Variants in PGPEP1 observed in about 807,000 individuals in gnomAD.
The protein encoded by PGPEP1 is pyroglutamyl-peptidase I, also known as pyroglutamyl-peptidase 1.
Under a neutral mutation model 24.1 loss-of-function variants are expected in PGPEP1, and 15 were observed. The observed-to-expected ratio is 0.62, with a 90% CI of 0.42 to 0.96. The LOEUF (loss-of-function observed/expected upper bound fraction) is 0.96, where lower values mean the gene tolerates loss of function less well. PGPEP1 is among the 40% of genes least tolerant of loss of function. PGPEP1 has a pLI of 0.00. For missense variants in PGPEP1, 242 were observed against 273.4 expected, an observed-to-expected ratio of 0.89 and a Z score of 0.81; for synonymous variants, 122 against 116.4, an observed-to-expected ratio of 1.05 and a Z score of -0.31.
chr19:18,359,035 C>A (rs1481854154), intron 4 of PGPEP1, among the ~76,000 whole-genome samples: 1 of 151,956 alleles, frequency 6.6e-6, no homozygotes, highest in Non-Finnish European at 1.5e-5. Context: ...TGCCTATAAT[C>A]CTAGCACTTC....
rs1971434669 is a variant in PGPEP1, at chr19:18,364,081, TGGC to T, written c.*499_*501del. ...CCACCCTGGGATATGGCTGGCTGGC[TGGC>T]TTTCTTTCTTTCTTTCTTTCTTTCT... On this transcript the variant is annotated 3_prime_UTR_variant, in exon 5 of 5. Transcript: ENST00000269919. The T allele has an allele frequency of 9.0e-6, 1 of 111,550 alleles. No homozygotes were observed. The highest frequency in any genetic ancestry group is 2.9e-5 in the African/African-American group (1 of 34,220). 6.9% of individuals were successfully genotyped at this position (111,550 alleles called of 1,614,324 possible). A position where few individuals can be genotyped will look rare whatever the true frequency, so the allele number is the denominator to read the frequency against.
At chr19:18,363,205 GCCACCACC>G (rs1971398785) in intron 4 of PGPEP1, among the ~76,000 whole-genome samples, 178 bp from the exon 5 acceptor site, 1 of 151,978 alleles carries the variant, frequency 6.6e-6, no homozygotes, top group African/African-American at 2.4e-5. Context: ...ACAGGCACGT[GCCACCACC>G]TCTGGTGATT....
At chr19:18,352,339 G>T (rs1479672138) in intron 2 of PGPEP1, among the ~76,000 whole-genome samples, 1 of 149,716 alleles carries the variant, frequency 6.7e-6, no homozygotes, top group Non-Finnish European at 1.5e-5. Context: ...CAGTACTCGG[G>T]AGGATGAGGC....
chr19:18,358,363 C>T (rs897256049), intron 4 of PGPEP1, among the ~76,000 whole-genome samples: 3 of 143,942 alleles, frequency 2.1e-5, no homozygotes, highest in Admixed American at 7.4e-5. Context: ...TGGGTTCAAG[C>T]GGTTCTCCTG....
intron 4 of PGPEP1, among the ~76,000 whole-genome samples, chr19:18,359,463 G>A (rs571045240): frequency 6.7e-6 from 1 of 150,282 alleles, no homozygotes; most frequent in South Asian, 2.1e-4. Flanking sequence ...AACACCCTAT[G>A]GCCTCTGCCC....
chr19:18,351,803 T>G (rs1971033690), intron 2 of PGPEP1, among the ~76,000 whole-genome samples: 1 of 151,726 alleles, frequency 6.6e-6, no homozygotes, highest in African/African-American at 2.4e-5. Flanking sequence ...ATGGGATTTC[T>G]CAGGTGTGTG....
intron 1 of PGPEP1, among the ~76,000 whole-genome samples, chr19:18,342,638 C>T (rs1970702830): frequency 6.6e-6 from 1 of 152,142 alleles, no homozygotes; most frequent in Non-Finnish European, 1.5e-5. Flanking sequence ...GAGGTGAAGA[C>T]AGGAAGGGAC....
At chr19:18,350,056 C>T (rs751063056) in intron 2 of PGPEP1, among the ~76,000 whole-genome samples, 26 of 151,548 alleles carry the variant, frequency 1.7e-4, no homozygotes, top group Non-Finnish European at 3.1e-4. Context: ...TGAGACACAG[C>T]GAGACTCTAG....
At chr19:18,358,331 G>C (rs1298371340) in intron 4 of PGPEP1, among the ~76,000 whole-genome samples, 1 of 138,442 alleles carries the variant, frequency 7.2e-6, no homozygotes, top group Admixed American at 8.1e-5. Flanking sequence ...CGTGATCTCA[G>C]CTCACTGCAA....
At position 18,361,653 on chromosome 19, in the gene PGPEP1, A is replaced by C. The variant is rs2144579109; in HGVS notation, c.438-1738A>C. 3.6e-6 allele frequency: 3 copies of C among 842,812 alleles called. No individual in the cohort carries two copies. In the South Asian group the frequency reaches 1.6e-4, roughly 46 times the overall value. The allele number at this position is 842,812 out of a possible 1,614,324, so 52.2% of individuals were successfully genotyped here. A position where few individuals can be genotyped will look rare whatever the true frequency, so the allele number is the denominator to read the frequency against. Reference sequence around the variant, plus strand: ...TCTAGAACATATCCTCATATGTCTAATTGGGAAAAATTCTCATTCCCTCTC... The same window carrying C: ...TCTAGAACATATCCTCATATGTCTACTTGGGAAAAATTCTCATTCCCTCTC... On this transcript the variant is annotated intron_variant, in intron 4 of 4. Coordinates refer to ENST00000269919, the MANE Select transcript of PGPEP1 (RefSeq NM_017712.4).
chr19:18,361,910 T>C, intron 4 of PGPEP1: 1 of 983,722 alleles, frequency 1.0e-6, no homozygotes, highest in South Asian at 4.7e-5. Context: ...AGTTCTCCAT[T>C]TTTTTCTGGC....
At chr19:18,343,538 C>T (rs1970735778) in intron 2 of PGPEP1, among the ~76,000 whole-genome samples, 1 of 152,068 alleles carries the variant, frequency 6.6e-6, no homozygotes, top group African/African-American at 2.4e-5. Flanking sequence ...TCAGAAGTGC[C>T]CCAGGCCCTG....
At chr19:18,353,220 A>AT (rs371750193) in intron 2 of PGPEP1, among the ~76,000 whole-genome samples, 10,933 of 141,634 alleles carry the variant, frequency 0.077, 1,275 homozygotes, top group African/African-American at 0.25. Flanking sequence ...GGCCTGGTTC[A>AT]TTTTTTTTTT....
chr19:18,343,035 T>C (rs148930031), intron 2 of PGPEP1, 124 bp downstream of exon 2: 463 of 699,192 alleles, frequency 6.6e-4, no homozygotes, highest in African/African-American at 5.1e-3. Flanking sequence ...AATCTTACTC[T>C]GTCACCCAGG....
At chr19:18,361,673 CCT>C (rs777918308) in intron 4 of PGPEP1, 1 of 943,652 alleles carries the variant, frequency 1.1e-6, no homozygotes, top group Non-Finnish European at 1.3e-6. Flanking sequence ...ATTCTCATTC[CCT>C]CTCTTTTTCC....
rs1416430697 is a variant in PGPEP1 at position 18,367,146 on chromosome 19, ACT to A, written c.*3566_*3567del. 4 of 125,986 alleles carry A rather than the reference ACT, an allele frequency of 3.2e-5. No individual in the cohort carries two copies. The highest frequency in any genetic ancestry group is 6.6e-5 in the Non-Finnish European group (4 of 60,514). The allele number at this position is 125,986 out of a possible 1,614,324, so 7.8% of individuals were successfully genotyped here. A position where few individuals can be genotyped will look rare whatever the true frequency, so the allele number is the denominator to read the frequency against. On this transcript the variant is annotated 3_prime_UTR_variant, in exon 5 of 5. Transcript: ENST00000269919. ...AGTCCAGCCCGGGTGACACAGCAAGACTCTGTCTCAAAAAAAAAAAAAAAAAA... is the reference window on the plus strand; with the variant it reads ...AGTCCAGCCCGGGTGACACAGCAAGACTGTCTCAAAAAAAAAAAAAAAAAA...
chr19:18,355,827 C>G, intron 2 of PGPEP1, 68 bp from the exon 3 acceptor site: 1 of 984,378 alleles, frequency 1.0e-6, no homozygotes, highest in Admixed American at 1.7e-5. Context: ...TGTTTCACCC[C>G]CCAGAGAGCG....
At chr19:18,350,918 C>A (rs997459360) in intron 2 of PGPEP1, among the ~76,000 whole-genome samples, 1 of 151,978 alleles carries the variant, frequency 6.6e-6, no homozygotes, top group Admixed American at 6.6e-5. Context: ...AGAGCTGGAC[C>A]CTGTCTCAGA....
intron 2 of PGPEP1, among the ~76,000 whole-genome samples, chr19:18,354,961 CTTT>C (rs761843314): frequency 0.027 from 2,561 of 94,048 alleles, 50 homozygotes; most frequent in East Asian, 0.26. Context: ...TAAGTCGATA[CTTT>C]TTTTTTTTTT....
Sources: gnomAD v4.1 joint callset for allele counts (sites outside exome capture counted in the v4.1 genomes callset) on GRCh38, gnomAD v4.1.1 for gene constraint, MANE v1.5 for transcripts, NCBI Gene and HGNC (gene_info 2026-07-23, HGNC 2026-07-21) for gene names.